TRIM7: variants seen among roughly 807,000 people sequenced by gnomAD.
TRIM7 encodes the protein tripartite motif containing 7.
A neutral mutation model predicts 37.9 loss-of-function variants in TRIM7; 32 were observed. The ratio of observed to expected loss-of-function variants is 0.84; its 90% CI spans 0.64 to 1.13. TRIM7 has a LOEUF of 1.13. Ranked by LOEUF, TRIM7 falls within the 50% of genes most tolerant of loss-of-function variation. The probability of loss-of-function intolerance (pLI) is 0.00; values close to 1 mark genes in which losing one functional copy is unlikely to be tolerated. For synonymous variants in TRIM7, 351 were observed against 321.3 expected (o/e 1.09, Z -0.99); for missense variants, 732 against 714.0 (o/e 1.03, Z -0.29).
chr5:181,199,750 A>C (rs1236725321), intron 3 of TRIM7, 101 bp downstream of exon 3: 1 of 1,455,270 alleles, frequency 6.9e-7, no homozygotes, highest in Admixed American at 2.6e-5. Flanking sequence ...GCTCCAGATC[A>C]TGTGATTCTC....
Position 181,195,357 on chromosome 5 carries a change from C to T in TRIM7, c.1345G>A (p.Glu449Lys), listed in dbSNP as rs764659374. 10 of 1,579,320 alleles carry T rather than the reference C, an allele frequency of 6.3e-6. No homozygotes were observed. The highest frequency in any genetic ancestry group is 8.6e-6 in the Non-Finnish European group (10 of 1,163,276). The change falls in exon 7 of 7, where the codon GAG (glutamate) becomes AAG (lysine). Residue 449 changes from glutamate (E) to lysine (K), a missense_variant. By Grantham distance (56) the Glu-to-Lys change is moderately conservative (BLOSUM62 1). Coordinates refer to ENST00000274773, the MANE Select transcript of TRIM7 (RefSeq NM_203293.3). ...GGQYWAVTSP[E>K]RSPLSCGHLS... Reference sequence around the variant, plus strand: ...TGCCCGCAGCTGAGGGGCGACCGCTCGGGGCTGGTCACGGCCCAGTACTGG... The same window carrying T: ...TGCCCGCAGCTGAGGGGCGACCGCTTGGGGCTGGTCACGGCCCAGTACTGG...
At chr5:181,199,037 C>T (rs1757316153) in intron 4 of TRIM7, 58 bp downstream of exon 4, 1 of 1,605,952 alleles carries the variant, frequency 6.2e-7, no homozygotes, top group African/African-American at 1.3e-5. Context: ...AAAGACAAGG[C>T]TCAGTGAAAA....
At chr5:181,198,602 TG>T in intron 5 of TRIM7, 87 bp downstream of exon 5, 1 of 915,716 alleles carries the variant, frequency 1.1e-6, no homozygotes, top group Non-Finnish European at 1.8e-6. Context: ...ACACAGCTTC[TG>T]GAAAGCACAC....
At chr5:181,204,065 A>G in intron 1 of TRIM7, 1 of 997,916 alleles carries the variant, frequency 1.0e-6, no homozygotes, top group Non-Finnish European at 1.2e-6. Flanking sequence ...AAGGGCCCCC[A>G]GAATCGACAG....
rs967810827 is a variant in TRIM7 at position 181,203,910 on chromosome 5, C to A, written c.523-270G>T. 1.8e-5 allele frequency: 21 copies of A among 1,187,384 alleles called. 1 individual carries two copies. The highest frequency in any genetic ancestry group is 4.5e-5 in the East Asian group (1 of 22,334). 73.6% of individuals were successfully genotyped at this position (1,187,384 alleles called of 1,614,324 possible). On this transcript the variant is annotated intron_variant, in intron 1 of 6. Coordinates refer to ENST00000274773, the MANE Select transcript of TRIM7 (RefSeq NM_203293.3). ...CCTAGTCGTCTCCTCTACTCTCCGCCCCCCCACCAGGAAGCCCCGTGGCTG... is the reference window on the plus strand; with the variant it reads ...CCTAGTCGTCTCCTCTACTCTCCGCACCCCCACCAGGAAGCCCCGTGGCTG...
chr5:181,195,185 T>G lies in TRIM7; in HGVS notation c.1517A>C (p.Tyr506Ser). Reference sequence around the variant, plus strand: ...TGCCCCTCAAGGCCAGATTCGCAAGTAGGTGCCCGTGGAGCAAACAGAGAA... The same window carrying G: ...TGCCCCTCAAGGCCAGATTCGCAAGGAGGTGCCCGTGGAGCAAACAGAGAA... ...PLFSVCSTGT[Y>S]LRIWP Residue 506 changes from tyrosine to serine, a missense_variant, in exon 7 of 7, where the codon TAC becomes TCC. Transcript: ENST00000274773. The G allele has an allele frequency of 6.2e-7, 1 of 1,605,270 alleles. No individual in the cohort carries two copies. The highest frequency in any genetic ancestry group is 8.5e-7 in the Non-Finnish European group (1 of 1,174,744).
intron 6 of TRIM7, chr5:181,196,035 A>C: frequency 4.1e-6 from 1 of 241,768 alleles, no homozygotes; most frequent in Non-Finnish European, 7.9e-6. Flanking sequence ...GTTTCTTTAG[A>C]GATAACACAC....
chr5:181,195,204 CAG>C lies in TRIM7; in HGVS notation c.1496_1497del (p.Ser499CysfsTer80), dbSNP rs537825067. 5.0e-5 allele frequency: 81 copies of C among 1,610,816 alleles called. No homozygotes were observed. The African/African-American group carries it at 8.1e-4, about 16-fold the overall frequency. ...CGCAAGTAGGTGCCCGTGGAGCAAA[CAG>C]AGAAAAGCGGGAACACGCGCTCCTG... ...NFQERVFPLF[S>X]VCSTGTYLRI... is the part of the protein sequence containing the mutation. On this transcript the variant is annotated frameshift_variant, in exon 7 of 7. Transcript: ENST00000274773. LOFTEE classifies it high-confidence loss of function.
rs894229259 is a variant in TRIM7, at chr5:181,194,980, C to A, written c.*186G>T. The A allele has an allele frequency of 4.1e-5, 27 of 660,238 alleles. No homozygotes were observed. In the East Asian group the frequency reaches 7.8e-4, roughly 19 times the overall value. 40.9% of individuals were successfully genotyped at this position (660,238 alleles called of 1,614,324 possible). A position where few individuals can be genotyped will look rare whatever the true frequency, so the allele number is the denominator to read the frequency against. Reference sequence around the variant, plus strand: ...AGGGAACACCCTCAGGAGTCCAAAGCCCCTGTTCCCCTGCTCGGTTGGCCA... The same window carrying A: ...AGGGAACACCCTCAGGAGTCCAAAGACCCTGTTCCCCTGCTCGGTTGGCCA... On this transcript the variant is annotated 3_prime_UTR_variant, in exon 7 of 7. Transcript: ENST00000274773.
chr5:181,204,792 T>C lies in TRIM7; in HGVS notation c.319A>G (p.Ser107Gly), dbSNP rs1230680091. 1 of 1,424,678 alleles carries C rather than the reference T, an allele frequency of 7.0e-7. No individual in the cohort carries two copies. The highest frequency in any genetic ancestry group is 9.1e-7 in the Non-Finnish European group (1 of 1,098,354). 88.3% of individuals were successfully genotyped at this position (1,424,678 alleles called of 1,614,324 possible). A position where few individuals can be genotyped will look rare whatever the true frequency, so the allele number is the denominator to read the frequency against. ...AAVATLLRRF[S>G]LPAAAPGEHG... is the part of the protein sequence containing the mutation. ...TCTCCCGGGGCAGCCGCGGGCAGGC[T>C]GAAGCGCCGCAGGAGCGTGGCCACT... The change falls in exon 1 of 7, where the codon AGC (serine) becomes GGC (glycine). Residue 107 changes from serine to glycine, a missense_variant. Coordinates refer to ENST00000274773, the MANE Select transcript of TRIM7 (RefSeq NM_203293.3).
intron 2 of TRIM7, chr5:181,200,894 GCC>G: frequency 1.0e-6 from 1 of 985,526 alleles, no homozygotes; most frequent in Non-Finnish European, 1.2e-6. Context: ...GTCCTACAAT[GCC>G]CCCACCTTTC....
rs73814516 is a variant in TRIM7, at chr5:181,204,270, A to T, written c.522+319T>A. On this transcript the variant is annotated intron_variant, in intron 1 of 6. Transcript: ENST00000274773. ...ACTTCCCGCGGGCAGAGAGCTGCGG[A>T]GACGCAGACCAGGCTAGAGGCTCCG... 4.5e-3 allele frequency: 4,798 copies of T among 1,075,950 alleles called. 160 individuals carry two copies. The African/African-American group carries it at 0.07, about 16-fold the overall frequency. The allele number at this position is 1,075,950 out of a possible 1,614,324, so 66.7% of individuals were successfully genotyped here.
At position 181,204,778 on chromosome 5, in the gene TRIM7, A is replaced by G. The variant is rs2770944; in HGVS notation, c.333T>C (p.Ala111=). 87,692 of 1,425,248 alleles carry G rather than the reference A, an allele frequency of 0.062. 8,000 individuals are homozygous for G. Among genetic ancestry groups the G allele is most frequent in the African/African-American group, 0.38 (24,735 of 65,712 alleles). 88.3% of individuals were successfully genotyped at this position (1,425,248 alleles called of 1,614,324 possible). ...TLLRRFSLPA[A]APGEHGSQAA... ...CCTGAGACCCGTGCTCTCCCGGGGC[A>G]GCCGCGGGCAGGCTGAAGCGCCGCA... The change falls in exon 1 of 7, where the codon GCT becomes GCC. Residue 111 remains alanine (A), a synonymous_variant. Transcript: ENST00000274773.
Position 181,195,405 on chromosome 5 carries a change from A to C in TRIM7, c.1297T>G (p.Trp433Gly). 1 of 1,592,332 alleles carries C rather than the reference A, an allele frequency of 6.3e-7. No homozygotes were observed. Among genetic ancestry groups the C allele is most frequent in the Non-Finnish European group, 8.6e-7 (1 of 1,169,420 alleles). The change falls in exon 7 of 7, where the codon TGG becomes GGG. Residue 433 changes from tryptophan (W) to glycine (G), a missense_variant. Physicochemically the swap from Trp to Gly is radical, Grantham distance 184 (BLOSUM62 -2). Transcript: ENST00000274773. ...LTPFTPEEGV[W>G]ALQLNGGQYW... is the part of the protein sequence containing the mutation. ...TGGCCGCCGTTGAGCTGCAGGGCCC[A>C]GACGCCCTCCTCGGGAGTGAAGGGC...
intron 1 of TRIM7, 175 bp from the exon 2 acceptor site, chr5:181,203,815 C>T (rs774609203): frequency 1.5e-6 from 2 of 1,363,870 alleles, no homozygotes; most frequent in Admixed American, 3.5e-5. Flanking sequence ...CTGAAGGTCT[C>T]GGGATCTTGC....
At chr5:181,203,137 G>T in intron 2 of TRIM7, 2 of 473,622 alleles carry the variant, frequency 4.2e-6, no homozygotes, top group Non-Finnish European at 5.6e-6. Context: ...CTACTGTTTT[G>T]TTGACAAAAC....
In TRIM7 at chr5:181,204,784, G is replaced by C; in HGVS notation, c.327C>G (p.Pro109=). ...VATLLRRFSL[P]AAAPGEHGSQ... is the part of the protein sequence containing the mutation. ...ACCCGTGCTCTCCCGGGGCAGCCGC[G>C]GGCAGGCTGAAGCGCCGCAGGAGCG... The change falls in exon 1 of 7, where the codon CCC becomes CCG. Residue 109 remains proline (P), a synonymous_variant. Coordinates refer to ENST00000274773, the MANE Select transcript of TRIM7 (RefSeq NM_203293.3). The C allele has an allele frequency of 7.0e-7, 1 of 1,428,786 alleles. No individual in the cohort carries two copies. The highest frequency in any genetic ancestry group is 9.1e-7 in the Non-Finnish European group (1 of 1,100,514). The allele number at this position is 1,428,786 out of a possible 1,614,324, so 88.5% of individuals were successfully genotyped here.
rs374765751 is a variant in TRIM7 at position 181,198,214 on chromosome 5, G to A, written c.993C>T (p.Asp331=). 7.4e-6 allele frequency: 12 copies of A among 1,614,126 alleles called. No individual in the cohort carries two copies. Among genetic ancestry groups the A allele is most frequent in the Middle Eastern group, 1.6e-4 (1 of 6,062 alleles). ...LKGMLKKFKE[D]LRGELEKEEK... is the part of the protein sequence containing the mutation. ...CCTCTTTCTCCAGCTCTCCCCGAAG[G>A]TCCTCTGAGGAGGAGAAACAAAGCA... is the stretch of plus-strand genomic sequence containing the variant. The change falls in exon 6 of 7, where the codon GAC becomes GAT. Residue 331 remains aspartate, a synonymous_variant. Transcript: ENST00000274773.
At position 181,198,775 on chromosome 5, in the gene TRIM7, G is replaced by T. The variant is rs377597666; in HGVS notation, c.903C>A (p.Thr301=). Residue 301 remains threonine (T), a synonymous_variant, in exon 5 of 7, where the codon ACC becomes ACA. Transcript: ENST00000274773. The stretch of plus-strand genomic sequence containing the variant: ...TATTCTTCATCTCAGAAGAGACTGT[G>T]GTTGGCTTGGGGCCAGGCACATTGC... ...RCSNVPGPKP[T]TVSSEMKNKV... 6.2e-7 allele frequency: 1 copy of T among 1,614,070 alleles called. No homozygotes were observed. The highest frequency in any genetic ancestry group is 8.5e-7 in the Non-Finnish European group (1 of 1,179,972).
Sources: gnomAD v4.1 joint callset for allele counts on GRCh38, gnomAD v4.1.1 for gene constraint, MANE v1.5 for transcripts, NCBI Gene and HGNC (gene_info 2026-07-23, HGNC 2026-07-21) for gene names.